ZNF536: variants seen among roughly 807,000 people sequenced by gnomAD.
ZNF536 encodes the protein zinc finger protein 536.
A neutral mutation model predicts 84.5 loss-of-function variants in ZNF536; 13 were observed. The ratio of observed to expected loss-of-function variants is 0.15; its 90% confidence interval spans 0.10 to 0.24. The LOEUF (loss-of-function observed/expected upper bound fraction) is 0.24, where lower values mean the gene tolerates loss of function less well. Among genes scored for constraint, ZNF536 ranks in the 10% least tolerant of loss-of-function variants. The pLI, the probability that ZNF536 is intolerant of heterozygous loss-of-function variation, is 1.00. For missense variants in ZNF536, 1,536 were observed against 1,747.5 expected (o/e 0.88, Z 2.16); for synonymous variants, 811 against 742.5 (o/e 1.09, Z -1.50).
intron 3 of ZNF536, among the ~76,000 whole-genome samples, chr19:30,542,352 C>T (rs980194906): frequency 6.6e-6 from 1 of 152,120 alleles, no homozygotes; most frequent in Non-Finnish European, 1.5e-5. Context: ...ATTAAACCAC[C>T]TGGTCGTATA....
intron 2 of ZNF536, among the ~76,000 whole-genome samples, chr19:30,310,500 A>G (rs2146079574): frequency 6.6e-6 from 1 of 152,372 alleles, no homozygotes; most frequent in Middle Eastern, 3.4e-3. Context: ...GGAAAATTTA[A>G]CATAAACCAC....
intron 1 of ZNF536, among the ~76,000 whole-genome samples, chr19:30,260,965 T>C (rs952364585): frequency 1.3e-5 from 2 of 152,220 alleles, no homozygotes; most frequent in Non-Finnish European, 2.9e-5. Context: ...CTATTTTGCA[T>C]GATACATAGA....
chr19:30,552,834 A>G (rs1403118426), intron 4 of ZNF536, among the ~76,000 whole-genome samples: 1 of 152,174 alleles, frequency 6.6e-6, no homozygotes. Context: ...GGAATTTTCT[A>G]AAGCTCTTTC....
intron 1 of ZNF536, among the ~76,000 whole-genome samples, chr19:30,403,495 A>G (rs1001533813): frequency 6.6e-6 from 1 of 152,184 alleles, no homozygotes; most frequent in Non-Finnish European, 1.5e-5. Flanking sequence ...ACTATCTCCA[A>G]TCAGGTCCAG....
At chr19:30,367,031 A>T (rs922357494) in intron 3 of ZNF536, among the ~76,000 whole-genome samples, 8 of 152,232 alleles carry the variant, frequency 5.3e-5, no homozygotes, top group Non-Finnish European at 8.8e-5. Flanking sequence ...GATGAGTTTG[A>T]GGAGCAGAAA....
Position 30,547,967 on chromosome 19 carries a change from A to G in ZNF536, c.2348A>G (p.His783Arg), listed in dbSNP as rs2045618890. The G allele has an allele frequency of 6.3e-7, 1 of 1,578,618 alleles. No homozygotes were observed. Among genetic ancestry groups the G allele is most frequent in the Non-Finnish European group, 8.6e-7 (1 of 1,163,070 alleles). ...GGTGAGAAACCCTACAAGTGTCCGC[A>G]CTGTGACTATGCCGGCACGCAGTCA... ...HTGEKPYKCP[H>R]CDYAGTQSAS... The change falls in exon 4 of 5, where the codon CAC becomes CGC. Residue 783 changes from histidine to arginine, a missense_variant. Coordinates refer to ENST00000355537, the MANE Select transcript of ZNF536 (RefSeq NM_014717.3).
chr19:30,705,309 ATGTGTGTGTG>A (rs56199909), intron 1 of ZNF536, among the ~76,000 whole-genome samples: 4 of 149,110 alleles, frequency 2.7e-5, no homozygotes, highest in Admixed American at 1.3e-4. Context: ...ACTCAGAAAG[ATGTGTGTGTG>A]TGTGTGTGTG....
intron 1 of ZNF536, among the ~76,000 whole-genome samples, chr19:30,602,268 G>A (rs1368466570): frequency 2.0e-5 from 3 of 152,222 alleles, no homozygotes; most frequent in Non-Finnish European, 4.4e-5. Context: ...CTCATTGGAT[G>A]TCTGGATTCC....
intron 1 of ZNF536, among the ~76,000 whole-genome samples, chr19:30,648,171 C>A (rs1202130080): frequency 6.6e-6 from 1 of 152,132 alleles, no homozygotes; most frequent in Non-Finnish European, 1.5e-5. Flanking sequence ...GCAGAAGGTG[C>A]ACACCCACGG....
chr19:30,572,175 GC>G (rs2046571314), intron 1 of ZNF536, among the ~76,000 whole-genome samples: 1 of 152,182 alleles, frequency 6.6e-6, no homozygotes, highest in African/African-American at 2.4e-5. Flanking sequence ...GGTACTACTT[GC>G]AGAAAAAGTA....
chr19:30,290,073 G>C (rs186215166), intron 2 of ZNF536, among the ~76,000 whole-genome samples: 3 of 152,158 alleles, frequency 2.0e-5, no homozygotes, highest in Admixed American at 2.0e-4. Context: ...GCACCTGTCT[G>C]TCTCTGTGAA....
chr19:30,396,110 C>T (rs1213522364), intron 1 of ZNF536, among the ~76,000 whole-genome samples: 1 of 152,172 alleles, frequency 6.6e-6, no homozygotes, highest in Admixed American at 6.5e-5. Context: ...CCTAAAACTC[C>T]TCTCTGCTCT....
At chr19:30,258,857 A>G (rs1475340152) in intron 1 of ZNF536, among the ~76,000 whole-genome samples, 5 of 151,866 alleles carry the variant, frequency 3.3e-5, no homozygotes, top group Admixed American at 3.3e-4. Flanking sequence ...AGCTGGGATT[A>G]CAGGTGTGCA....
At chr19:30,673,855 G>T (rs1414575730) in intron 1 of ZNF536, among the ~76,000 whole-genome samples, 1 of 152,202 alleles carries the variant, frequency 6.6e-6, no homozygotes, top group Non-Finnish European at 1.5e-5. Context: ...TTGAATGCTA[G>T]TGTTAATCTA....
chr19:30,386,085 C>T (rs2049329288), intron 1 of ZNF536, among the ~76,000 whole-genome samples: 1 of 152,168 alleles, frequency 6.6e-6, no homozygotes, highest in South Asian at 2.1e-4. Flanking sequence ...ATACTGGTCC[C>T]ATCCCACCTT....
intron 1 of ZNF536, among the ~76,000 whole-genome samples, chr19:30,628,146 G>T (rs1045201353): frequency 1.3e-5 from 2 of 152,224 alleles, no homozygotes; most frequent in Non-Finnish European, 2.9e-5. Flanking sequence ...ACCCCTGGGG[G>T]AACGCTAAGT....
At chr19:30,657,296 A>G (rs1281791408) in intron 1 of ZNF536, among the ~76,000 whole-genome samples, 1 of 152,190 alleles carries the variant, frequency 6.6e-6, no homozygotes, top group African/African-American at 2.4e-5. Flanking sequence ...TTCTCTGTGT[A>G]ATGACTATGA....
chr19:30,524,984 C>T (rs1255858387), intron 2 of ZNF536, among the ~76,000 whole-genome samples: 3 of 152,120 alleles, frequency 2.0e-5, no homozygotes, highest in African/African-American at 7.2e-5. Flanking sequence ...TTTCACTATG[C>T]TCTTCTATGG....
chr19:30,696,818 G>A (rs772689395), intron 1 of ZNF536, among the ~76,000 whole-genome samples: 13 of 152,254 alleles, frequency 8.5e-5, no homozygotes, highest in Non-Finnish European at 1.6e-4. Context: ...CTGATGCCCT[G>A]CTGAAATCTG....
Sources: gnomAD v4.1 joint callset for allele counts (sites outside exome capture counted in the v4.1 genomes callset) on GRCh38, gnomAD v4.1.1 for gene constraint, MANE v1.5 for transcripts, NCBI Gene and HGNC (gene_info 2026-07-23, HGNC 2026-07-21) for gene names.